AADAT: variants seen among roughly 807,000 people sequenced by gnomAD.
AADAT encodes kynurenine/alpha-aminoadipate aminotransferase, mitochondrial.
Under a neutral mutation model 56.2 loss-of-function variants are expected in AADAT, and 25 were observed. The observed-to-expected ratio is 0.44, with a 90% CI of 0.32 to 0.62. The LOEUF is 0.62. AADAT is among the 20% of genes least tolerant of loss of function. The pLI is 0.04. For synonymous variants in AADAT, 173 were observed against 164.7 expected, an observed-to-expected ratio of 1.05 and a Z score of -0.39; for missense variants, 387 against 510.5, an observed-to-expected ratio of 0.76 and a Z score of 2.33.
At chr4:170,063,601 G>T (rs572748500) in intron 11 of AADAT, among the ~76,000 whole-genome samples, 1 of 152,358 alleles carries the variant, frequency 6.6e-6, no homozygotes, top group South Asian at 2.1e-4. Flanking sequence ...CCTCAAGTAA[G>T]ATGGCTAAGA....
intron 5 of AADAT, among the ~76,000 whole-genome samples, chr4:170,072,401 C>G (rs1317290058): frequency 6.6e-6 from 1 of 152,046 alleles, no homozygotes; most frequent in South Asian, 2.1e-4. Flanking sequence ...TTCCAAAGTG[C>G]TGGGATTACA....
At chr4:170,074,072 A>G (rs1479204761) in intron 4 of AADAT, among the ~76,000 whole-genome samples, 2 of 152,200 alleles carry the variant, frequency 1.3e-5, no homozygotes, top group Non-Finnish European at 2.9e-5. Context: ...CATGGAACTG[A>G]GCTCCAGCAG....
At chr4:170,067,489 T>C in intron 8 of AADAT, 101 bp from the exon 9 acceptor site, 1 of 835,082 alleles carries the variant, frequency 1.2e-6, no homozygotes, top group Non-Finnish European at 2.0e-6. Context: ...TAAACCACAA[T>C]AAGATATAAC....
chr4:170,080,867 C>A (rs1168605928), intron 3 of AADAT, among the ~76,000 whole-genome samples: 2 of 152,108 alleles, frequency 1.3e-5, no homozygotes, highest in Non-Finnish European at 2.9e-5. Flanking sequence ...GAATAAATAA[C>A]TAATCCTTTA....
intron 3 of AADAT, among the ~76,000 whole-genome samples, chr4:170,080,628 C>T (rs1732252708): frequency 6.6e-6 from 1 of 152,144 alleles, no homozygotes; most frequent in Non-Finnish European, 1.5e-5. Context: ...TCCAGAGGTT[C>T]CTGGGTATAA....
In AADAT at chr4:170,065,001, G is replaced by C. The variant is rs189565293; in HGVS notation, c.1028-176C>G. On this transcript the variant is annotated intron_variant, in intron 10 of 12. Coordinates refer to ENST00000337664, the MANE Select transcript of AADAT (RefSeq NM_016228.4). ...TGTGAGCCTTCAAAATTGATGTTCTGGGTTTTATTTCAAAGAGTTACTGTG... is the reference window on the plus strand; with the variant it reads ...TGTGAGCCTTCAAAATTGATGTTCTCGGTTTTATTTCAAAGAGTTACTGTG... Among the ~76,000 whole-genome samples, 10 of 152,210 alleles carry C rather than the reference G, an allele frequency of 6.6e-5. No individual in the cohort carries two copies. In the East Asian group the frequency reaches 1.9e-3, roughly 29 times the overall value.
At chr4:170,093,039 T>C (rs1423715467), upstream of AADAT, among the ~76,000 whole-genome samples, 2 of 78,922 alleles carry the variant, frequency 2.5e-5, no homozygotes, top group African/African-American at 5.0e-5. Flanking sequence ...AATTGTAACT[T>C]GTAACTAGAT....
chr4:170,065,108 G>C (rs1043207931), intron 10 of AADAT, among the ~76,000 whole-genome samples: 1 of 152,164 alleles, frequency 6.6e-6, no homozygotes, highest in Non-Finnish European at 1.5e-5. Context: ...TCTTAGGGTA[G>C]TGCAAGAAAT....
chr4:170,077,773 C>T (rs1220099810), intron 4 of AADAT, among the ~76,000 whole-genome samples: 1 of 152,204 alleles, frequency 6.6e-6, no homozygotes, highest in Non-Finnish European at 1.5e-5. Context: ...AGGTCATGTA[C>T]AAATAAATCT....
At chr4:170,082,447 C>A (rs956467232) in intron 3 of AADAT, among the ~76,000 whole-genome samples, 8 of 151,620 alleles carry the variant, frequency 5.3e-5, no homozygotes, top group African/African-American at 1.5e-4. Context: ...AAATAAAGAG[C>A]AACAAATTAT....
chr4:170,087,024 A>C, intron 3 of AADAT, 92 bp downstream of exon 3: 1 of 1,497,232 alleles, frequency 6.7e-7, no homozygotes, highest in South Asian at 1.2e-5. Flanking sequence ...AGTAATCCAT[A>C]AAATATAATT....
intron 2 of AADAT, 66 bp from the exon 3 acceptor site, chr4:170,087,314 A>C: frequency 6.8e-7 from 1 of 1,464,258 alleles, no homozygotes; most frequent in Non-Finnish European, 9.3e-7. Context: ...GTAGACAGGA[A>C]ATAATAAATG....
At chr4:170,064,454 G>A (rs1339118978) in intron 11 of AADAT, among the ~76,000 whole-genome samples, 1 of 152,218 alleles carries the variant, frequency 6.6e-6, no homozygotes, top group Non-Finnish European at 1.5e-5. Context: ...CAACAGGTGT[G>A]GCTCCGGAGA....
rs147615281 is a variant in AADAT, at chr4:170,066,416, G to C, written c.1025C>G (p.Thr342Ser). Residue 342 changes from threonine to serine, a missense_variant and splice_region_variant, in exon 10 of 13, where the codon ACT (threonine) becomes AGT (serine). By Grantham distance (58) the Thr-to-Ser change is moderately conservative. Coordinates refer to ENST00000337664, the MANE Select transcript of AADAT (RefSeq NM_016228.4). ...AILAAADKWL[T>S]GLAEWHVPAA... ...GGACGAATATACGTTCCACTCACCA[G>C]TTAACCACTTGTCTGCAGCTGCCAG... is the stretch of plus-strand genomic sequence containing the variant. 1.1e-4 allele frequency: 180 copies of C among 1,613,434 alleles called. 2 individuals carry two copies. The African/African-American group carries it at 1.8e-3, about 16-fold the overall frequency.
chr4:170,080,419 G>A (rs552299355), intron 3 of AADAT, among the ~76,000 whole-genome samples: 1 of 152,124 alleles, frequency 6.6e-6, no homozygotes, highest in Admixed American at 6.5e-5. Context: ...TGGTTCCCTG[G>A]CTGGAGACCT....
chr4:170,093,212 T>C (rs1031950987), upstream of AADAT, among the ~76,000 whole-genome samples: 1 of 152,148 alleles, frequency 6.6e-6, no homozygotes, highest in African/African-American at 2.4e-5. Context: ...GTGGATCAAC[T>C]GAGGTCAGGA....
chr4:170,072,972 G>T (rs1178286133), intron 5 of AADAT, among the ~76,000 whole-genome samples, 164 bp downstream of exon 5: 1 of 152,108 alleles, frequency 6.6e-6, no homozygotes, highest in African/African-American at 2.4e-5. Context: ...GAAATTTATT[G>T]TGTCTAAATT....
intron 3 of AADAT, among the ~76,000 whole-genome samples, chr4:170,083,677 C>T (rs1732421347): frequency 6.6e-6 from 1 of 152,062 alleles, no homozygotes. Flanking sequence ...AACCTCAAAA[C>T]CACAATGAGA....
In AADAT at chr4:170,069,114, G is replaced by A. The variant is rs749705159; in HGVS notation, c.803+34C>T. On this transcript the variant is annotated intron_variant, in intron 7 of 12. Coordinates refer to ENST00000337664, the MANE Select transcript of AADAT (RefSeq NM_016228.4). ...TGAGGTACTATCTCTGGCTCTATTA[G>A]ATCTAGCGTCAAGTTAGAGACACAG... 4 of 1,571,066 alleles carry A rather than the reference G, an allele frequency of 2.5e-6. No individual in the cohort carries two copies. In the East Asian group the frequency reaches 9.0e-5, roughly 35 times the overall value.
Sources: gnomAD v4.1 joint callset for allele counts (sites outside exome capture counted in the v4.1 genomes callset) on GRCh38, gnomAD v4.1.1 for gene constraint, MANE v1.5 for transcripts, NCBI Gene and HGNC (gene_info 2026-07-23, HGNC 2026-07-21) for gene names.